Variants in SYN3 observed in about 807,000 individuals in gnomAD.
SYN3 encodes the protein synapsin-3.
A neutral mutation model predicts 65.8 loss-of-function variants in SYN3; 35 were observed. The observed-to-expected ratio is 0.53, with a 90% CI of 0.41 to 0.70. The LOEUF (loss-of-function observed/expected upper bound fraction) is 0.70. SYN3 is among the 30% of genes least tolerant of loss of function. The probability of loss-of-function intolerance (pLI) is 0.00; values close to 1 mark genes in which losing one functional copy is unlikely to be tolerated. For missense variants in SYN3, 680 were observed against 749.0 expected (o/e 0.91, Z 1.08); for synonymous variants, 270 against 292.9 (o/e 0.92, Z 0.80).
chr22:32,565,197 A>G (rs2058656327), intron 7 of SYN3, among the ~76,000 whole-genome samples: 1 of 152,150 alleles, frequency 6.6e-6, no homozygotes, highest in African/African-American at 2.4e-5. Flanking sequence ...GTGCTCTCGG[A>G]CTGCACCTAA....
In SYN3 at chr22:32,864,925, T is replaced by C. The variant is rs1018171577; in HGVS notation, c.701A>G (p.His234Arg). 1.1e-5 allele frequency: 17 copies of C among 1,613,922 alleles called. No individual in the cohort carries two copies. The highest frequency in any genetic ancestry group is 1.4e-5 in the Non-Finnish European group (17 of 1,179,916). ...PLVEQTFFPNHKPMVTAPHFP... is the reference protein window; with the variant it reads ...PLVEQTFFPNRKPMVTAPHFP... ...AAAAAGGGCACTCACCATTGGCTTATGGTTGGGGAAAAATGTTTGCTCCAC... is the reference window on the plus strand; with the variant it reads ...AAAAAGGGCACTCACCATTGGCTTACGGTTGGGGAAAAATGTTTGCTCCAC... Residue 234 changes from histidine to arginine, a missense_variant, in exon 6 of 14, where the codon CAT becomes CGT. Transcript: ENST00000358763.
chr22:32,948,566 C>T (rs1347195188), intron 3 of SYN3, among the ~76,000 whole-genome samples: 1 of 151,936 alleles, frequency 6.6e-6, no homozygotes, highest in Non-Finnish European at 1.5e-5. Flanking sequence ...GAAACCTCGT[C>T]TCTACTAAAA....
chr22:32,810,924 G>A (rs949712014), intron 6 of SYN3, among the ~76,000 whole-genome samples: 2 of 152,162 alleles, frequency 1.3e-5, no homozygotes, highest in Non-Finnish European at 2.9e-5. Flanking sequence ...AGTGAGCTCT[G>A]CTACTCCCAA....
In SYN3 at chr22:32,838,168, C is replaced by T. The variant is rs1191576202; in HGVS notation, c.711+26747G>A. 2.0e-5 allele frequency among the ~76,000 whole-genome samples: 3 copies of T among 152,190 alleles called. No individual in the cohort carries two copies. The East Asian group carries it at 5.8e-4, about 29-fold the overall frequency. On this transcript the variant is annotated intron_variant, in intron 6 of 13. Transcript: ENST00000358763. ...ATTACTGAATCCCCAAGACATGGCA[C>T]AGGATCTGAGATGCATAGTTCCTCA...
chr22:32,874,499 A>G (rs2048933338), intron 4 of SYN3, among the ~76,000 whole-genome samples: 1 of 152,256 alleles, frequency 6.6e-6, no homozygotes, highest in Non-Finnish European at 1.5e-5. Flanking sequence ...GCTGGAGGCC[A>G]GAGGTGAAGT....
intron 6 of SYN3, among the ~76,000 whole-genome samples, chr22:32,723,631 T>G (rs1360255677): frequency 6.6e-6 from 1 of 152,254 alleles, no homozygotes; most frequent in Non-Finnish European, 1.5e-5. Context: ...GATATACCCT[T>G]AATTCATGTG....
intron 6 of SYN3, among the ~76,000 whole-genome samples, chr22:32,794,115 G>A (rs2046378740): frequency 6.6e-6 from 1 of 152,228 alleles, no homozygotes; most frequent in Non-Finnish European, 1.5e-5. Context: ...GTGGTTGTGA[G>A]CACTGGAATT....
chr22:32,915,442 A>C (rs2146605053), intron 4 of SYN3, among the ~76,000 whole-genome samples: 1 of 152,308 alleles, frequency 6.6e-6, no homozygotes, highest in Admixed American at 6.5e-5. Context: ...AGTAGCAATG[A>C]GGGCTGTTAA....
At chr22:32,682,604 C>A (rs1423840567) in intron 6 of SYN3, among the ~76,000 whole-genome samples, 2 of 152,082 alleles carry the variant, frequency 1.3e-5, no homozygotes, top group Admixed American at 1.3e-4. Flanking sequence ...CTCTTTAGAC[C>A]CCATCTGATC....
chr22:33,019,676 G>A (rs2053528945), intron 1 of SYN3, among the ~76,000 whole-genome samples: 1 of 152,142 alleles, frequency 6.6e-6, no homozygotes, highest in Admixed American at 6.5e-5. Flanking sequence ...TTTTGTTTTT[G>A]AGACTGGGTC....
chr22:32,565,870 G>A (rs187109715), intron 7 of SYN3, among the ~76,000 whole-genome samples: 22 of 151,894 alleles, frequency 1.4e-4, no homozygotes, highest in Admixed American at 2.6e-4. Flanking sequence ...CCACCACCAC[G>A]CCCAGCTAAT....
intron 1 of SYN3, among the ~76,000 whole-genome samples, chr22:33,044,936 G>T (rs1213565349): frequency 1.3e-5 from 2 of 150,912 alleles, no homozygotes; most frequent in South Asian, 4.2e-4. Flanking sequence ...TCTGCCTCCC[G>T]GGTTCAAGCG....
At chr22:32,838,042 T>C (rs1312466794) in intron 6 of SYN3, among the ~76,000 whole-genome samples, 1 of 152,230 alleles carries the variant, frequency 6.6e-6, no homozygotes, top group Non-Finnish European at 1.5e-5. Context: ...TGGGTGTGTC[T>C]GCTGCATGCT....
At chr22:32,601,939 C>CTTTTCTTTTT (rs2037427387) in intron 6 of SYN3, among the ~76,000 whole-genome samples, 1 of 148,144 alleles carries the variant, frequency 6.8e-6, no homozygotes, top group South Asian at 2.1e-4. Flanking sequence ...CTTTTCTTTT[C>CTTTTCTTTTT]TTTTCTTTTT....
chr22:32,660,013 G>C (rs2060194941), intron 6 of SYN3, among the ~76,000 whole-genome samples: 1 of 152,184 alleles, frequency 6.6e-6, no homozygotes, highest in Non-Finnish European at 1.5e-5. Context: ...TGTAGAGTCA[G>C]GCATGGTGCT....
chr22:32,863,674 T>C (rs1164868984), intron 6 of SYN3, among the ~76,000 whole-genome samples: 3 of 152,188 alleles, frequency 2.0e-5, no homozygotes, highest in East Asian at 3.9e-4. Flanking sequence ...ACTCCTACTA[T>C]ATGCCAGGTA....
intron 6 of SYN3, among the ~76,000 whole-genome samples, chr22:32,702,848 A>C (rs1258720727): frequency 2.0e-5 from 3 of 152,248 alleles, no homozygotes; most frequent in Admixed American, 6.5e-5. Flanking sequence ...TTAAAGTTTA[A>C]TGATGCAGTA....
chr22:32,729,663 CAATCTAATCTATTTTCTTGAGT>C (rs1439187330), intron 6 of SYN3, among the ~76,000 whole-genome samples: 2 of 152,224 alleles, frequency 1.3e-5, no homozygotes, highest in Non-Finnish European at 2.9e-5. Flanking sequence ...CACTGACTTG[CAATCTAATCTATTTTCTTGAGT>C]GGGAGAGAAA....
At position 32,569,400 on chromosome 22, in the gene SYN3, AATCTATCTATCTATCTATCT is replaced by A. The variant is rs60525962; in HGVS notation, c.774+27254_774+27273del. Among the ~76,000 whole-genome samples the A allele has an allele frequency of 4.0e-4, 57 of 144,056 alleles. No individual in the cohort carries two copies. In the Middle Eastern group the frequency reaches 0.011, roughly 28 times the overall value. The allele number at this position is 144,056 out of a possible 152,430, so 94.5% of individuals were successfully genotyped here. On this transcript the variant is annotated intron_variant, in intron 7 of 13. Coordinates refer to ENST00000358763, the MANE Select transcript of SYN3 (RefSeq NM_003490.4). Reference sequence around the variant, plus strand: ...CTAAAATCTATCTATCTCCATCCAAAATCTATCTATCTATCTATCTATCTATCTATCTATCTATCTATCTA... The same window carrying A: ...CTAAAATCTATCTATCTCCATCCAAAATCTATCTATCTATCTATCTATCTA...
Sources: allele counts gnomAD v4.1 joint callset (sites outside exome capture counted in the v4.1 genomes callset), GRCh38; gene constraint gnomAD v4.1.1; transcripts MANE v1.5; gene names NCBI Gene and HGNC (gene_info 2026-07-23, HGNC 2026-07-21).